CKAP5: variants seen among roughly 807,000 people sequenced by gnomAD.
The protein encoded by CKAP5 is cytoskeleton-associated protein 5.
In CKAP5, 27 loss-of-function variants were observed where a neutral mutation model predicts 232.8. The ratio of observed to expected loss-of-function variants is 0.12; its 90% CI spans 0.09 to 0.16. The LOEUF is 0.16. CKAP5 is among the 10% of genes least tolerant of loss of function. CKAP5 has a pLI of 1.00. For synonymous variants in CKAP5, 785 were observed against 841.1 expected (o/e 0.93, Z 1.16); for missense variants, 1,838 against 2,424.7 (o/e 0.76, Z 5.08).
At chr11:46,760,854 T>A (rs2065148671) in intron 32 of CKAP5, 70 bp from the exon 33 acceptor site, 2 of 1,347,882 alleles carry the variant, frequency 1.5e-6, no homozygotes, top group Non-Finnish European at 1.0e-6. Context: ...TCAAAACAAA[T>A]AGAACCTTCT....
rs142647070 is a variant in CKAP5 at position 46,824,032 on chromosome 11, T to C, written c.-37-2764A>G. Among the ~76,000 whole-genome samples, 423 of 152,322 alleles carry C rather than the reference T, an allele frequency of 2.8e-3. 2 individuals are homozygous for C. The highest frequency in any genetic ancestry group is 9.6e-3 in the African/African-American group (401 of 41,562). ...ATTCACTTTATACTGACATCAACTA[T>C]GTGAAGGAAAGATATTCTCATTTTA... On this transcript the variant is annotated intron_variant, in intron 1 of 43. Transcript: ENST00000529230.
intron 4 of CKAP5, among the ~76,000 whole-genome samples, chr11:46,814,422 C>T (rs956619127): frequency 2.0e-5 from 3 of 152,078 alleles, no homozygotes; most frequent in African/African-American, 7.2e-5. Context: ...ACCTATAAAT[C>T]AAAGATCATT....
At chr11:46,790,735 T>A in intron 13 of CKAP5, 152 bp from the exon 14 acceptor site, 1 of 603,380 alleles carries the variant, frequency 1.7e-6, no homozygotes, top group South Asian at 2.2e-5. Flanking sequence ...TTCAACCTCC[T>A]GGGCTCAAGG....
chr11:46,788,848 A>G, intron 15 of CKAP5, 75 bp from the exon 16 acceptor site: 1 of 1,029,720 alleles, frequency 9.7e-7, no homozygotes, highest in Non-Finnish European at 1.5e-6. Flanking sequence ...ACCAAAGTCA[A>G]GTAAGTGGTT....
At chr11:46,747,651 A>T (rs1346460327) in intron 42 of CKAP5, among the ~76,000 whole-genome samples, 1 of 151,644 alleles carries the variant, frequency 6.6e-6, no homozygotes, top group Non-Finnish European at 1.5e-5. Context: ...TTGAACAAAG[A>T]TGTGAAAGAG....
intron 16 of CKAP5, among the ~76,000 whole-genome samples, chr11:46,787,406 T>C (rs966632273): frequency 6.6e-6 from 1 of 152,224 alleles, no homozygotes; most frequent in Non-Finnish European, 1.5e-5. Flanking sequence ...ATGAGGTCTA[T>C]TGTATGTACA....
intron 1 of CKAP5, among the ~76,000 whole-genome samples, chr11:46,829,273 C>T (rs1309078446): frequency 1.3e-5 from 2 of 152,168 alleles, no homozygotes; most frequent in African/African-American, 2.4e-5. Context: ...AGGATGAAGA[C>T]CTTTATGATG....
intron 1 of CKAP5, among the ~76,000 whole-genome samples, chr11:46,838,312 T>C (rs1939962066): frequency 6.6e-6 from 1 of 152,154 alleles, no homozygotes; most frequent in Non-Finnish European, 1.5e-5. Context: ...TTAAGACTAA[T>C]TGAGACTGTT....
intron 26 of CKAP5, among the ~76,000 whole-genome samples, chr11:46,769,692 T>C (rs1353064881): frequency 6.6e-6 from 1 of 150,548 alleles, no homozygotes; most frequent in Non-Finnish European, 1.5e-5. Context: ...CAAGATGCCA[T>C]CTCTAAAAAA....
At chr11:46,775,430 C>A (rs1017022100) in intron 24 of CKAP5, among the ~76,000 whole-genome samples, 2 of 152,092 alleles carry the variant, frequency 1.3e-5, no homozygotes, top group Non-Finnish European at 2.9e-5. Context: ...CCTCAAGGAC[C>A]CAGAACTAGA....
intron 37 of CKAP5, 120 bp downstream of exon 37, chr11:46,753,190 C>T (rs532729696): frequency 1.4e-6 from 1 of 719,704 alleles, no homozygotes; most frequent in African/African-American, 1.8e-5. Context: ...TTAAGTGTGC[C>T]TAGGAAGTTG....
intron 35 of CKAP5, among the ~76,000 whole-genome samples, chr11:46,757,230 C>T (rs1388714430): frequency 4.6e-5 from 7 of 151,792 alleles, no homozygotes; most frequent in African/African-American, 7.3e-5. Context: ...CAGTGGCTCA[C>T]GCCTGTAATC....
intron 1 of CKAP5, among the ~76,000 whole-genome samples, chr11:46,835,889 T>C (rs938183437): frequency 6.6e-6 from 1 of 152,244 alleles, no homozygotes; most frequent in Non-Finnish European, 1.5e-5. Context: ...CAAGTGATCA[T>C]GGTTAATATC....
chr11:46,768,439 A>G (rs2065222393), intron 26 of CKAP5, among the ~76,000 whole-genome samples: 1 of 151,980 alleles, frequency 6.6e-6, no homozygotes, highest in African/African-American at 2.4e-5. Context: ...GTCCTCTCAA[A>G]GTGGTGGAAT....
intron 9 of CKAP5, among the ~76,000 whole-genome samples, chr11:46,799,528 A>C (rs4752936): frequency 0.14 from 21,200 of 152,242 alleles, 2,473 homozygotes; most frequent in East Asian, 0.61. Context: ...AATAAAGCCA[A>C]GTCAGTAACA....
At chr11:46,826,588 G>A (rs751454542) in intron 1 of CKAP5, among the ~76,000 whole-genome samples, 6 of 152,222 alleles carry the variant, frequency 3.9e-5, no homozygotes, top group Non-Finnish European at 7.3e-5. Flanking sequence ...TACGGCTGCT[G>A]TCACCACCCA....
intron 4 of CKAP5, among the ~76,000 whole-genome samples, chr11:46,814,344 C>G (rs528726278): frequency 4.1e-4 from 62 of 152,034 alleles, no homozygotes; most frequent in African/African-American, 1.4e-3. Flanking sequence ...ACTTCATTCA[C>G]GTAAGAATCT....
intron 24 of CKAP5, among the ~76,000 whole-genome samples, chr11:46,772,051 TA>T (rs1352367655): frequency 6.7e-5 from 7 of 104,984 alleles, no homozygotes; most frequent in African/African-American, 9.7e-5. Context: ...TTTTTTTTTT[TA>T]AATTAAGTCT....
At chr11:46,790,349 T>G (rs1938690865) in intron 14 of CKAP5, 121 bp downstream of exon 14, 1 of 857,028 alleles carries the variant, frequency 1.2e-6, no homozygotes, top group African/African-American at 1.7e-5. Flanking sequence ...CAAGGCAGTT[T>G]CAATAAGCTA....
Sources: gnomAD v4.1 joint callset for allele counts (sites outside exome capture counted in the v4.1 genomes callset) on GRCh38, gnomAD v4.1.1 for gene constraint, MANE v1.5 for transcripts, NCBI Gene and HGNC (gene_info 2026-07-23, HGNC 2026-07-21) for gene names.